The following COL4A4 variants were observed in gnomAD, a reference collection of about 807,000 sequenced individuals.
The protein encoded by COL4A4 is collagen type IV alpha 4 chain, also known as collagen alpha-4(IV) chain.
A neutral mutation model predicts 192.9 loss-of-function variants in COL4A4; 105 were observed. The observed-to-expected ratio is 0.54, with a 90% CI of 0.46 to 0.64. The LOEUF (loss-of-function observed/expected upper bound fraction) is 0.64, where lower values mean the gene tolerates loss of function less well. Among genes scored for constraint, COL4A4 ranks in the 30% least tolerant of loss-of-function variants. COL4A4 has a pLI of 0.00. For missense variants in COL4A4, 1,967 were observed against 2,169.3 expected (o/e 0.91, Z 1.85); for synonymous variants, 762 against 769.9 (o/e 0.99, Z 0.17).
chr2:226,972,574 G>T, the COL4A4 span, among the ~76,000 whole-genome samples: 324 of 152,336 alleles, frequency 2.1e-3, 1 homozygote, highest in African/African-American at 7.5e-3. Flanking sequence ...AAACCCTGCA[G>T]TGCTGCTTCA....
At chr2:227,047,803 T>G (rs1973208567) in intron 34 of COL4A4, among the ~76,000 whole-genome samples, 1 of 150,190 alleles carries the variant, frequency 6.7e-6, no homozygotes. Flanking sequence ...CTCCAGGTAT[T>G]GATAAGTTTG....
intron 3 of COL4A4, among the ~76,000 whole-genome samples, chr2:227,140,621 GT>G (rs993890426): frequency 2.0e-5 from 3 of 150,218 alleles, no homozygotes; most frequent in East Asian, 1.9e-4. Flanking sequence ...TGAAAAGCTT[GT>G]TTTTTTTTCA....
At chr2:227,062,680 A>C in intron 25 of COL4A4, 82 bp from the exon 26 acceptor site, 1 of 985,458 alleles carries the variant, frequency 1.0e-6, no homozygotes, top group Non-Finnish European at 1.6e-6. Flanking sequence ...AACTTCCTCA[A>C]GATATTTTTC....
chr2:227,070,845 T>C (rs2058678051), intron 25 of COL4A4, among the ~76,000 whole-genome samples: 2 of 151,438 alleles, frequency 1.3e-5, no homozygotes, highest in South Asian at 4.2e-4. Flanking sequence ...CTGCACATTG[T>C]GCACATGTAC....
chr2:227,002,891 T>C lies in COL4A4; in HGVS notation c.*4434A>G, dbSNP rs1435748011. On this transcript the variant is annotated 3_prime_UTR_variant, in exon 48 of 48. Transcript: ENST00000396625. The stretch of plus-strand genomic sequence containing the variant: ...TGCAATTTATTAGACACATTTCACA[T>C]TTTTCCCATGAATCATTAAATATTT... The C allele has an allele frequency of 6.6e-6, 1 of 152,652 alleles. No individual in the cohort carries two copies. The highest frequency in any genetic ancestry group is 1.5e-5 in the Non-Finnish European group (1 of 68,036). The allele number at this position is 152,652 out of a possible 1,614,324, so 9.5% of individuals were successfully genotyped here.
chr2:227,020,941 C>T (rs900958086), intron 44 of COL4A4, among the ~76,000 whole-genome samples: 1 of 139,770 alleles, frequency 7.2e-6, no homozygotes, highest in African/African-American at 2.8e-5. Context: ...GTGCAGCTCA[C>T]TGCAACCTCT....
rs574317393 is a variant in COL4A4, at chr2:227,068,697, G to C, written c.1988-6099C>G. On this transcript the variant is annotated intron_variant, in intron 25 of 47. Coordinates refer to ENST00000396625, the MANE Select transcript of COL4A4 (RefSeq NM_000092.5). ...CATGCTAAAAACTCTCAATAAATTA[G>C]GTATTGATGGGACATATTTCAAAAT... Among the ~76,000 whole-genome samples the C allele has an allele frequency of 4.9e-3, 738 of 151,536 alleles. 14 individuals carry two copies. The highest frequency in any genetic ancestry group is 0.017 in the African/African-American group (710 of 40,976).
At chr2:226,987,775 A>G in the COL4A4 span, among the ~76,000 whole-genome samples, 1 of 152,202 alleles carries the variant, frequency 6.6e-6, no homozygotes, top group South Asian at 2.1e-4. Context: ...GTGACTTGAT[A>G]TATTATCTGC....
chr2:227,091,906 G>A (rs10203008), intron 20 of COL4A4, among the ~76,000 whole-genome samples: 76,223 of 147,908 alleles, frequency 0.52, 19,577 homozygotes, highest in South Asian at 0.65. Flanking sequence ...GAAGAAAAAA[G>A]AAAGAAAGAA....
intron 45 of COL4A4, among the ~76,000 whole-genome samples, chr2:227,011,936 G>A (rs541147359): frequency 5.3e-5 from 8 of 152,284 alleles, no homozygotes; most frequent in South Asian, 2.1e-4. Flanking sequence ...ATAGCAGTTT[G>A]GGAAAATACT....
chr2:227,082,175 C>A lies in COL4A4; in HGVS notation c.1636G>T (p.Ala546Ser), dbSNP rs1407850296. ...GPPGLPGKHG[A>S]SGPPGNKGAK... ...CCTTTGTTGCCAGGTGGTCCAGAGG[C>A]ACCATGCTTTCCCTTGGTGAAAAAT... is the stretch of plus-strand genomic sequence containing the variant. The change falls in exon 23 of 48, where the codon GCC (alanine) becomes TCC (serine). Residue 546 changes from alanine (A) to serine (S), a missense_variant. Coordinates refer to ENST00000396625, the MANE Select transcript of COL4A4 (RefSeq NM_000092.5). The A allele has an allele frequency of 6.2e-7, 1 of 1,614,102 alleles. No individual in the cohort carries two copies. Among genetic ancestry groups the A allele is most frequent in the South Asian group, 1.1e-5 (1 of 91,090 alleles).
chr2:227,022,225 C>T (rs371385554), intron 43 of COL4A4, 52 bp from the exon 44 acceptor site: 67 of 1,611,642 alleles, frequency 4.2e-5, no homozygotes, highest in Non-Finnish European at 5.6e-5. Flanking sequence ...TATGAACAAG[C>T]TCCTTCTACA....
intron 32 of COL4A4, among the ~76,000 whole-genome samples, chr2:227,051,547 C>T (rs1293781007): frequency 6.6e-6 from 1 of 152,192 alleles, no homozygotes; most frequent in Non-Finnish European, 1.5e-5. Flanking sequence ...CAAAAATCCT[C>T]GCTCTGCAAT....
chr2:226,981,569 T>TACACACACACAC, the COL4A4 span, among the ~76,000 whole-genome samples: 9 of 150,168 alleles, frequency 6.0e-5, no homozygotes, highest in African/African-American at 2.2e-4. Context: ...TGCACACACA[T>TACACACACACAC]ACACACACAC....
At position 227,119,938 on chromosome 2, in the gene COL4A4, C is replaced by G. The variant is rs1370340334; in HGVS notation, c.329G>C (p.Gly110Ala). ...TGGAAATCCAGGAACACCAGTTGGA[C>G]CCTAAAATCCCAGAAAATAAAACAA... ...PGAAGDKGDK[G>A]PTGVPGFPGL... The change falls in exon 6 of 48, where the codon GGT becomes GCT. Residue 110 changes from glycine to alanine, a missense_variant and splice_region_variant. Transcript: ENST00000396625. 1 of 1,574,490 alleles carries G rather than the reference C, an allele frequency of 6.4e-7. No homozygotes were observed. The highest frequency in any genetic ancestry group is 8.6e-7 in the Non-Finnish European group (1 of 1,158,598).
At chr2:226,972,494 C>G in the COL4A4 span, among the ~76,000 whole-genome samples, 1 of 152,192 alleles carries the variant, frequency 6.6e-6, no homozygotes, top group East Asian at 1.9e-4. Flanking sequence ...CCTGGGAAGG[C>G]TGCTCCACCC....
At chr2:227,024,945 T>G (rs918806115) in intron 43 of COL4A4, among the ~76,000 whole-genome samples, 7 of 152,236 alleles carry the variant, frequency 4.6e-5, no homozygotes, top group African/African-American at 4.8e-5. Context: ...TGAAATGACT[T>G]TATACATACA....
At chr2:227,103,088 A>AAGTTAAGAT in intron 14 of COL4A4, 56 bp downstream of exon 14, 1 of 1,447,294 alleles carries the variant, frequency 6.9e-7, no homozygotes, top group Non-Finnish European at 9.6e-7. Context: ...ATAACATTTT[A>AAGTTAAGAT]AGTTAAGATA....
intron 21 of COL4A4, 87 bp downstream of exon 21, chr2:227,089,781 G>T: frequency 9.2e-7 from 1 of 1,085,266 alleles, no homozygotes; most frequent in Non-Finnish European, 1.4e-6. Context: ...AAATCTGAAT[G>T]AAATGCCACA....
Sources: allele counts gnomAD v4.1 joint callset (sites outside exome capture counted in the v4.1 genomes callset), GRCh38; gene constraint gnomAD v4.1.1; transcripts MANE v1.5; gene names NCBI Gene and HGNC (gene_info 2026-07-23, HGNC 2026-07-21).